The following GRIK1 variants were observed in gnomAD, a reference collection of about 807,000 sequenced individuals.
The protein encoded by GRIK1 is glutamate receptor ionotropic, kainate 1.
In GRIK1, 69 loss-of-function variants were observed where a neutral mutation model predicts 105.7. That is an observed-to-expected ratio of 0.65 (90% CI 0.54 to 0.80). The LOEUF is 0.80. GRIK1 is among the 30% of genes least tolerant of loss of function. The probability of loss-of-function intolerance (pLI) is 0.00; values close to 1 mark genes in which losing one functional copy is unlikely to be tolerated. For synonymous variants in GRIK1, 438 were observed against 431.3 expected, an observed-to-expected ratio of 1.02 and a Z score of -0.19; for missense variants, 1,109 against 1,167.3, an observed-to-expected ratio of 0.95 and a Z score of 0.73.
chr21:29,564,104 T>C (rs140611563), intron 14 of GRIK1, among the ~76,000 whole-genome samples: 2,853 of 152,364 alleles, frequency 0.019, 40 homozygotes, highest in Middle Eastern at 0.031. Context: ...AACCTTCACA[T>C]AGAAAAATTT....
At chr21:29,713,307 T>C (rs892987302) in intron 1 of GRIK1, among the ~76,000 whole-genome samples, 3 of 152,212 alleles carry the variant, frequency 2.0e-5, no homozygotes, top group Non-Finnish European at 4.4e-5. Flanking sequence ...TAATACATTC[T>C]CTATTTAGTT....
chr21:29,669,346 C>T (rs141271815), intron 4 of GRIK1, among the ~76,000 whole-genome samples: 58 of 152,196 alleles, frequency 3.8e-4, no homozygotes, highest in African/African-American at 1.2e-3. Context: ...TGATGGAAAA[C>T]GCACATAAAG....
At chr21:29,684,474 C>G (rs1827018842) in intron 3 of GRIK1, among the ~76,000 whole-genome samples, 1 of 152,112 alleles carries the variant, frequency 6.6e-6, no homozygotes, top group Non-Finnish European at 1.5e-5. Flanking sequence ...AAAATAATTG[C>G]AGTTTTTGCC....
intron 1 of GRIK1, among the ~76,000 whole-genome samples, chr21:29,736,670 T>C (rs114682005): frequency 0.014 from 2,067 of 151,762 alleles, 50 homozygotes; most frequent in African/African-American, 0.047. Flanking sequence ...CTTTTTCTTT[T>C]TCTTTCCTTT....
At chr21:29,580,061 A>G (rs1405672524) in intron 13 of GRIK1, among the ~76,000 whole-genome samples, 1 of 145,946 alleles carries the variant, frequency 6.9e-6, no homozygotes, top group East Asian at 2.0e-4. Context: ...ATGTATATAT[A>G]TATGTGTATA....
intron 4 of GRIK1, among the ~76,000 whole-genome samples, chr21:29,665,787 T>A (rs1293394534): frequency 6.6e-6 from 1 of 152,194 alleles, no homozygotes. Flanking sequence ...GTGAGCAACA[T>A]GGGTGATGTG....
intron 1 of GRIK1, among the ~76,000 whole-genome samples, chr21:29,926,556 A>T (rs899001113): frequency 1.3e-5 from 2 of 152,130 alleles, no homozygotes; most frequent in African/African-American, 4.8e-5. Flanking sequence ...GAAATGAAAA[A>T]GTTGGACTTT....
In GRIK1 at chr21:29,872,117, G is replaced by A. The variant is rs138535264; in HGVS notation, c.118+67266C>T. On this transcript the variant is annotated intron_variant, in intron 1 of 17. Coordinates refer to ENST00000327783, the MANE Select transcript of GRIK1 (RefSeq NM_001330994.2). ...AAAACTGTAAATATTAATGGTGTACGACATGATGTTTTGCTATATGTATAC... is the reference window on the plus strand; with the variant it reads ...AAAACTGTAAATATTAATGGTGTACAACATGATGTTTTGCTATATGTATAC... 3.4e-4 allele frequency among the ~76,000 whole-genome samples: 52 copies of A among 151,444 alleles called. 1 individual carries two copies. In the East Asian group the frequency reaches 7.6e-3, roughly 22 times the overall value.
chr21:29,882,378 T>G (rs2069449552), intron 1 of GRIK1, among the ~76,000 whole-genome samples: 1 of 152,154 alleles, frequency 6.6e-6, no homozygotes, highest in African/African-American at 2.4e-5. Context: ...TATTGCCTAT[T>G]TCCTTCTGGT....
intron 1 of GRIK1, among the ~76,000 whole-genome samples, chr21:29,729,368 C>G (rs976336889): frequency 3.3e-5 from 5 of 152,106 alleles, no homozygotes; most frequent in Non-Finnish European, 7.3e-5. Context: ...CCTTTGGAAG[C>G]CTGCCCTATT....
chr21:29,851,564 G>A (rs1374884865), intron 1 of GRIK1, among the ~76,000 whole-genome samples: 2 of 152,164 alleles, frequency 1.3e-5, no homozygotes, highest in Admixed American at 1.3e-4. Context: ...AAATGCCAGA[G>A]TCTGAATGAC....
intron 1 of GRIK1, among the ~76,000 whole-genome samples, chr21:29,894,460 A>C (rs2146233907): frequency 6.6e-6 from 1 of 152,336 alleles, no homozygotes; most frequent in Non-Finnish European, 1.5e-5. Context: ...CAGAAGACTC[A>C]GCAAGTCTGT....
At chr21:29,626,695 T>C (rs2062140134) in intron 7 of GRIK1, among the ~76,000 whole-genome samples, 1 of 152,234 alleles carries the variant, frequency 6.6e-6, no homozygotes, top group Non-Finnish European at 1.5e-5. Context: ...ATAATTTTAC[T>C]GGTGGATGTC....
intron 1 of GRIK1, among the ~76,000 whole-genome samples, chr21:29,872,995 G>A (rs569456017): frequency 6.6e-6 from 1 of 152,316 alleles, no homozygotes; most frequent in East Asian, 1.9e-4. Context: ...AAAGTGGACA[G>A]CTTCTGAGGA....
intron 1 of GRIK1, among the ~76,000 whole-genome samples, chr21:29,771,770 A>T (rs1274251543): frequency 2.6e-5 from 4 of 152,220 alleles, no homozygotes; most frequent in Non-Finnish European, 5.9e-5. Context: ...TTTTGGCTAT[A>T]CCAGTAGTGA....
At chr21:29,716,731 T>C (rs1379558914) in intron 1 of GRIK1, among the ~76,000 whole-genome samples, 1 of 152,196 alleles carries the variant, frequency 6.6e-6, no homozygotes, top group Admixed American at 6.5e-5. Flanking sequence ...GCATAAAAGT[T>C]TGAAAAATTT....
At chr21:29,606,572 T>C (rs1270679041) in intron 7 of GRIK1, among the ~76,000 whole-genome samples, 1 of 152,130 alleles carries the variant, frequency 6.6e-6, no homozygotes, top group African/African-American at 2.4e-5. Flanking sequence ...ATAACTGGCT[T>C]AAAATTGGAA....
intron 7 of GRIK1, among the ~76,000 whole-genome samples, chr21:29,634,879 T>C (rs2146497625): frequency 6.6e-6 from 1 of 152,260 alleles, no homozygotes; most frequent in South Asian, 2.1e-4. Context: ...AACTGGATGG[T>C]GGACACAGGA....
chr21:29,560,425 C>CTTTCTTTCTT (rs2090415836), intron 15 of GRIK1, among the ~76,000 whole-genome samples: 3 of 128,132 alleles, frequency 2.3e-5, no homozygotes, highest in Non-Finnish European at 4.7e-5. Flanking sequence ...TTCTTTCTTT[C>CTTTCTTTCTT]TTTCTTTCTT....
Sources: allele counts gnomAD v4.1 joint callset (sites outside exome capture counted in the v4.1 genomes callset), GRCh38; gene constraint gnomAD v4.1.1; transcripts MANE v1.5; gene names NCBI Gene and HGNC (gene_info 2026-07-23, HGNC 2026-07-21).